The following HMOX2 variants were observed in gnomAD, a reference collection of about 807,000 sequenced individuals.
The protein encoded by HMOX2 is heme oxygenase 2.
Under a neutral mutation model 33.7 loss-of-function variants are expected in HMOX2, and 30 were observed. The observed-to-expected ratio is 0.89, with a 90% CI of 0.67 to 1.21. HMOX2 has a LOEUF of 1.21. HMOX2 is among the 50% of genes most tolerant of loss of function. The pLI is 0.00. For synonymous variants in HMOX2, 155 were observed against 155.0 expected (o/e 1.00, Z 0.00); for missense variants, 403 against 399.1 (o/e 1.01, Z -0.08).
chr16:4,477,639 G>A (rs1274137293), intron 1 of HMOX2, among the ~76,000 whole-genome samples: 1 of 151,812 alleles, frequency 6.6e-6, no homozygotes, highest in Admixed American at 6.6e-5. Flanking sequence ...AGAAACGCTG[G>A]CCGGTGCAGT....
At chr16:4,483,935 T>C (rs561418075) in intron 1 of HMOX2, among the ~76,000 whole-genome samples, 124 of 151,208 alleles carry the variant, frequency 8.2e-4, no homozygotes, top group African/African-American at 2.9e-3. Context: ...TGTATCTTCT[T>C]CTAAATTACA....
In HMOX2 at chr16:4,507,983, G is replaced by T; in HGVS notation, c.475G>T (p.Gly159Trp). ...LVAHAYTRYM[G>W]DLSGGQVLKK... ...GGCCCATGCATACACCCGCTACATG[G>T]GGGATCTCTCGGGGGGCCAGGTGCT... Residue 159 changes from glycine to tryptophan, a missense_variant, in exon 4 of 6, where the codon GGG (glycine) becomes TGG (tryptophan). Gly to Trp is a radical substitution (Grantham distance 184). Transcript: ENST00000570646. The T allele has an allele frequency of 6.2e-7, 1 of 1,614,032 alleles. No homozygotes were observed. Among genetic ancestry groups the T allele is most frequent in the African/African-American group, 1.3e-5 (1 of 74,992 alleles).
chr16:4,502,339 C>T lies in HMOX2; in HGVS notation c.-41-3145C>T, dbSNP rs765468209. ...AAACACAGTTAATGAGATTTAATCACGTTCCCTATCACTGTTGTGCAGCAT... is the reference window on the plus strand; with the variant it reads ...AAACACAGTTAATGAGATTTAATCATGTTCCCTATCACTGTTGTGCAGCAT... On this transcript the variant is annotated intron_variant, in intron 1 of 5. Transcript: ENST00000570646. Among the ~76,000 whole-genome samples the T allele has an allele frequency of 3.3e-5, 5 of 152,332 alleles. 1 individual carries two copies. The highest frequency in any genetic ancestry group is 4.1e-4 in the South Asian group (2 of 4,826).
chr16:4,507,473 A>G (rs2058723415), intron 3 of HMOX2, among the ~76,000 whole-genome samples: 1 of 152,080 alleles, frequency 6.6e-6, no homozygotes, highest in Non-Finnish European at 1.5e-5. Context: ...ATTGGTTCTC[A>G]TGGCTTAGAT....
intron 1 of HMOX2, among the ~76,000 whole-genome samples, chr16:4,488,127 C>CAAAA (rs60429116): frequency 1.4e-5 from 1 of 69,312 alleles, no homozygotes; most frequent in African/African-American, 3.8e-5. Flanking sequence ...AACTCCATCT[C>CAAAA]AAAAAAAAAA....
rs1307564233 is a variant in HMOX2, at chr16:4,509,481, C to A, written c.766C>A (p.His256Asn). 9.9e-6 allele frequency: 16 copies of A among 1,614,132 alleles called. No individual in the cohort carries two copies. In the East Asian group the frequency reaches 3.6e-4, roughly 36 times the overall value. ...RETLEDGFPVHDGKGDMRKCP... is the reference protein window; with the variant it reads ...RETLEDGFPVNDGKGDMRKCP... ...GACCTTGGAGGATGGGTTCCCTGTA[C>A]ACGATGGGAAAGGAGACATGCGTAA... The change falls in exon 5 of 6, where the codon CAC becomes AAC. Residue 256 changes from histidine (H) to asparagine (N), a missense_variant. His to Asn is a moderately conservative substitution (Grantham distance 68). Coordinates refer to ENST00000570646, the MANE Select transcript of HMOX2 (RefSeq NM_002134.4).
At chr16:4,492,397 C>T (rs2058326494) in intron 1 of HMOX2, among the ~76,000 whole-genome samples, 1 of 151,942 alleles carries the variant, frequency 6.6e-6, no homozygotes, top group Admixed American at 6.6e-5. Flanking sequence ...TGAGGTTCGT[C>T]ATGAAGAATC....
chr16:4,490,188 T>G (rs1371300657), intron 1 of HMOX2, among the ~76,000 whole-genome samples: 1 of 152,198 alleles, frequency 6.6e-6, no homozygotes, highest in East Asian at 1.9e-4. Flanking sequence ...GCCTACAATA[T>G]TATCACTTAT....
In HMOX2 at chr16:4,509,937, A is replaced by G; in HGVS notation, c.*181A>G. 1.5e-6 allele frequency: 1 copy of G among 682,100 alleles called. No individual in the cohort carries two copies. The highest frequency in any genetic ancestry group is 4.1e-4 in the Middle Eastern group (1 of 2,420). 42.3% of individuals were successfully genotyped at this position (682,100 alleles called of 1,614,324 possible). A position where few individuals can be genotyped will look rare whatever the true frequency, so the allele number is the denominator to read the frequency against. On this transcript the variant is annotated 3_prime_UTR_variant, in exon 6 of 6. Coordinates refer to ENST00000570646, the MANE Select transcript of HMOX2 (RefSeq NM_002134.4). Reference sequence around the variant, plus strand: ...TGACAGCATCCTCTCTATGGGCCATATTCCGCACTGGGCACAGGCCGTCAC... The same window carrying G: ...TGACAGCATCCTCTCTATGGGCCATGTTCCGCACTGGGCACAGGCCGTCAC...
intron 4 of HMOX2, 31 bp downstream of exon 4, chr16:4,508,235 T>C: frequency 6.4e-7 from 1 of 1,566,770 alleles, no homozygotes; most frequent in Non-Finnish European, 8.6e-7. Context: ...CTGCTAGGGC[T>C]GAAGAGGGAA....
At chr16:4,508,788 G>C (rs2058757747) in intron 4 of HMOX2, among the ~76,000 whole-genome samples, 1 of 152,214 alleles carries the variant, frequency 6.6e-6, no homozygotes, top group Non-Finnish European at 1.5e-5. Context: ...TAGAAATGGG[G>C]ATGTACTCAT....
intron 1 of HMOX2, among the ~76,000 whole-genome samples, chr16:4,482,270 G>A (rs1285153944): frequency 6.6e-6 from 1 of 152,152 alleles, no homozygotes; most frequent in Admixed American, 6.6e-5. Flanking sequence ...AAAATATGCT[G>A]TTCTGAGAAA....
upstream of HMOX2, among the ~76,000 whole-genome samples, chr16:4,475,703 C>T (rs1306433232): frequency 6.6e-6 from 1 of 151,058 alleles, no homozygotes; most frequent in Admixed American, 6.6e-5. Flanking sequence ...TTTGGGAGGC[C>T]GAGGCGGGTG....
At chr16:4,501,009 A>G (rs2141589604) in intron 1 of HMOX2, among the ~76,000 whole-genome samples, 1 of 152,264 alleles carries the variant, frequency 6.6e-6, no homozygotes, top group East Asian at 1.9e-4. Flanking sequence ...GAGAGAGGGT[A>G]GACTGGCCTT....
At chr16:4,496,946 C>T (rs553184157) in intron 1 of HMOX2, among the ~76,000 whole-genome samples, 48 of 152,000 alleles carry the variant, frequency 3.2e-4, no homozygotes, top group Non-Finnish European at 6.6e-4. Flanking sequence ...ATCCTTCAGC[C>T]TCGGCCTCCC....
In HMOX2 at chr16:4,509,783, C is replaced by G. The variant is rs1326368642; in HGVS notation, c.*27C>G. The G allele has an allele frequency of 1.3e-6, 2 of 1,599,914 alleles. No individual in the cohort carries two copies. The highest frequency in any genetic ancestry group is 3.4e-5 in the Admixed American group (2 of 58,530). ...GCACCCATCATGCCACACCGGTACC[C>G]TCCTCCCGACTGACCACTGGCCTAC... On this transcript the variant is annotated 3_prime_UTR_variant, in exon 6 of 6. Coordinates refer to ENST00000570646, the MANE Select transcript of HMOX2 (RefSeq NM_002134.4).
chr16:4,492,244 G>A (rs1239629562), intron 1 of HMOX2, among the ~76,000 whole-genome samples: 2 of 151,878 alleles, frequency 1.3e-5, no homozygotes, highest in Non-Finnish European at 2.9e-5. Context: ...TGAATTGGGA[G>A]GATCGCCTGA....
At chr16:4,500,917 G>A (rs1343945592) in intron 1 of HMOX2, among the ~76,000 whole-genome samples, 1 of 152,184 alleles carries the variant, frequency 6.6e-6, no homozygotes, top group Non-Finnish European at 1.5e-5. Flanking sequence ...CTGATGAGGT[G>A]AACAGCTAGG....
In HMOX2 at chr16:4,492,812, G is replaced by A. The variant is rs569262760; in HGVS notation, c.-41-12672G>A. Among the ~76,000 whole-genome samples, 9 of 152,126 alleles carry A rather than the reference G, an allele frequency of 5.9e-5. No homozygotes were observed. In the South Asian group the frequency reaches 1.7e-3, roughly 28 times the overall value. The stretch of plus-strand genomic sequence containing the variant: ...AACACTTTGGGAGGCCGAGGCGGGC[G>A]GATCACTTGAGGTCAGCAGTTTGAG... On this transcript the variant is annotated intron_variant, in intron 1 of 5. Coordinates refer to ENST00000570646, the MANE Select transcript of HMOX2 (RefSeq NM_002134.4).
Sources: allele counts gnomAD v4.1 joint callset (sites outside exome capture counted in the v4.1 genomes callset), GRCh38; gene constraint gnomAD v4.1.1; transcripts MANE v1.5; gene names NCBI Gene and HGNC (gene_info 2026-07-23, HGNC 2026-07-21).